Variants in APBA2 observed in about 807,000 individuals in gnomAD.
The protein encoded by APBA2 is amyloid-beta A4 precursor protein-binding family A member 2.
APBA2 carries 30 observed loss-of-function variants against 75.0 expected under a neutral mutation model. The observed-to-expected ratio is 0.40, with a 90% CI of 0.30 to 0.54. The LOEUF (loss-of-function observed/expected upper bound fraction) is 0.54, where lower values mean the gene tolerates loss of function less well. APBA2 is among the 20% of genes least tolerant of loss of function. The probability of loss-of-function intolerance (pLI) is 0.49; values close to 1 mark genes in which losing one functional copy is unlikely to be tolerated. For missense variants in APBA2, 801 were observed against 1,016.1 expected (o/e 0.79, Z 2.88); for synonymous variants, 444 against 409.6 (o/e 1.08, Z -1.01).
chr15:29,007,741 G>A (rs1025772570), intron 3 of APBA2, among the ~76,000 whole-genome samples: 1 of 152,174 alleles, frequency 6.6e-6, no homozygotes, highest in African/African-American at 2.4e-5. Context: ...TGTCTGTGAG[G>A]ATGTGGCAGA....
chr15:28,986,286 G>A (rs2037924316), intron 2 of APBA2, among the ~76,000 whole-genome samples: 1 of 152,132 alleles, frequency 6.6e-6, no homozygotes, highest in Admixed American at 6.5e-5. Flanking sequence ...AGCCCATTCA[G>A]GTGTAGGACT....
intron 2 of APBA2, among the ~76,000 whole-genome samples, chr15:28,959,276 C>T (rs1477291564): frequency 6.6e-6 from 1 of 152,178 alleles, no homozygotes; most frequent in Non-Finnish European, 1.5e-5. Flanking sequence ...CATGAGCCTC[C>T]GCATTCAAAT....
intron 13 of APBA2, 184 bp downstream of exon 13, chr15:29,108,573 T>A: frequency 2.2e-6 from 2 of 915,144 alleles, no homozygotes; most frequent in Non-Finnish European, 1.7e-6. Flanking sequence ...AGGTCCTGGC[T>A]AGAAGGGGAG....
chr15:29,104,119 A>C (rs2044279336), intron 10 of APBA2, among the ~76,000 whole-genome samples: 2 of 152,228 alleles, frequency 1.3e-5, no homozygotes, highest in Admixed American at 6.5e-5. Context: ...GCATACATTC[A>C]TCTGCTGCTC....
intron 3 of APBA2, among the ~76,000 whole-genome samples, chr15:29,026,964 A>G (rs533938393): frequency 2.0e-5 from 3 of 152,282 alleles, no homozygotes; most frequent in African/African-American, 4.8e-5. Context: ...TTTCTCTTCA[A>G]TTGTTAATTT....
chr15:28,960,196 C>T (rs977534169), intron 2 of APBA2, among the ~76,000 whole-genome samples: 2 of 150,214 alleles, frequency 1.3e-5, no homozygotes, highest in African/African-American at 2.5e-5. Flanking sequence ...CGAAGTGGCT[C>T]GTGCCTGTAA....
chr15:28,964,951 T>C (rs1303664786), intron 2 of APBA2, among the ~76,000 whole-genome samples: 5 of 152,096 alleles, frequency 3.3e-5, no homozygotes, highest in Non-Finnish European at 7.4e-5. Flanking sequence ...CTTGACAGAA[T>C]GAAAGTTTTT....
At chr15:29,099,076 C>A (rs1480402365) in intron 9 of APBA2, among the ~76,000 whole-genome samples, 1 of 152,194 alleles carries the variant, frequency 6.6e-6, no homozygotes, top group East Asian at 1.9e-4. Flanking sequence ...CCAGCCCCCT[C>A]CTGGAGCCTG....
chr15:28,925,596 G>A (rs2034216302), intron 2 of APBA2, among the ~76,000 whole-genome samples: 1 of 152,144 alleles, frequency 6.6e-6, no homozygotes, highest in African/African-American at 2.4e-5. Context: ...CTCAGAATGT[G>A]GTCTATCTTT....
At chr15:28,925,508 A>G (rs1400327175) in intron 2 of APBA2, among the ~76,000 whole-genome samples, 1 of 152,122 alleles carries the variant, frequency 6.6e-6, no homozygotes, top group Admixed American at 6.5e-5. Context: ...ACTGATTTTT[A>G]GTTTAATTCT....
chr15:28,925,570 A>G (rs1014627946), intron 2 of APBA2, among the ~76,000 whole-genome samples: 1 of 152,226 alleles, frequency 6.6e-6, no homozygotes, highest in Non-Finnish European at 1.5e-5. Flanking sequence ...AATACTTGTT[A>G]AGGTGTACTT....
At chr15:28,931,002 C>T (rs2034534071) in intron 2 of APBA2, among the ~76,000 whole-genome samples, 1 of 152,218 alleles carries the variant, frequency 6.6e-6, no homozygotes, top group Admixed American at 6.5e-5. Flanking sequence ...TCAGGAAACT[C>T]GGGTGCCGCG....
intron 1 of APBA2, among the ~76,000 whole-genome samples, chr15:28,898,705 A>G (rs2152625742): frequency 6.6e-6 from 1 of 152,366 alleles, no homozygotes; most frequent in Admixed American, 6.5e-5. Context: ...AAGAAAAAGT[A>G]TAAAAACAGA....
At position 29,117,231 on chromosome 15, in the gene APBA2, GC is replaced by G; in HGVS notation, c.*101del. On this transcript the variant is annotated 3_prime_UTR_variant, in exon 15 of 15. Transcript: ENST00000683413. ...CCGCAGACTTGACCCCGACGCCACA[GC>G]CCAGCCACGGACGCTGGCTCCCCAA... is the stretch of plus-strand genomic sequence containing the variant. The G allele has an allele frequency of 1.7e-6, 2 of 1,169,602 alleles. No individual in the cohort carries two copies. The highest frequency in any genetic ancestry group is 2.5e-6 in the Non-Finnish European group (2 of 785,040). 72.5% of individuals were successfully genotyped at this position (1,169,602 alleles called of 1,614,324 possible).
intron 6 of APBA2, among the ~76,000 whole-genome samples, chr15:29,082,550 G>A (rs534163264): frequency 6.6e-6 from 1 of 152,178 alleles, no homozygotes; most frequent in South Asian, 2.1e-4. Flanking sequence ...GTTTCTTATT[G>A]ATTTGTATTA....
chr15:28,953,884 A>G (rs1322698861), intron 2 of APBA2, among the ~76,000 whole-genome samples: 1 of 152,142 alleles, frequency 6.6e-6, no homozygotes, highest in Non-Finnish European at 1.5e-5. Flanking sequence ...TTGTGGCACA[A>G]GGAGCTCACA....
intron 2 of APBA2, among the ~76,000 whole-genome samples, chr15:28,933,110 G>A (rs982761641): frequency 4.6e-5 from 7 of 152,048 alleles, no homozygotes; most frequent in African/African-American, 1.2e-4. Flanking sequence ...ACCCACTCTC[G>A]CGATAATGGC....
At chr15:29,057,559 A>G (rs2041955157) in intron 4 of APBA2, among the ~76,000 whole-genome samples, 1 of 152,216 alleles carries the variant, frequency 6.6e-6, no homozygotes, top group African/African-American at 2.4e-5. Flanking sequence ...TTGAGCATAA[A>G]TGATGTACGT....
At chr15:29,006,774 G>A (rs924536159) in intron 3 of APBA2, among the ~76,000 whole-genome samples, 3 of 152,306 alleles carry the variant, frequency 2.0e-5, no homozygotes, top group East Asian at 1.9e-4. Context: ...CACCCTTGAC[G>A]TGAGGATTAT....
Sources: allele counts gnomAD v4.1 joint callset (sites outside exome capture counted in the v4.1 genomes callset), GRCh38; gene constraint gnomAD v4.1.1; transcripts MANE v1.5; gene names NCBI Gene and HGNC (gene_info 2026-07-23, HGNC 2026-07-21).